The following IARS2 variants were observed in gnomAD, a reference collection of about 807,000 sequenced individuals.
The protein encoded by IARS2 is isoleucyl-tRNA synthetase 2, mitochondrial.
IARS2 carries 56 observed loss-of-function variants against 126.3 expected under a neutral mutation model. The observed-to-expected ratio is 0.44, with a 90% confidence interval of 0.36 to 0.55. The LOEUF is 0.55. IARS2 is among the 20% of genes least tolerant of loss of function. The pLI, the probability that IARS2 is intolerant of heterozygous loss-of-function variation, is 0.00. For synonymous variants in IARS2, 407 were observed against 441.1 expected (o/e 0.92, Z 0.97); for missense variants, 1,127 against 1,245.9 (o/e 0.90, Z 1.44).
intron 2 of IARS2, among the ~76,000 whole-genome samples, chr1:220,099,304 A>G (rs955101523): frequency 5.9e-5 from 9 of 152,168 alleles, no homozygotes; most frequent in African/African-American, 2.2e-4. Context: ...GCCCCAGAAA[A>G]TAATGAAAAG....
rs767935937 is a variant in IARS2 at position 220,094,258 on chromosome 1, C to G, written c.42C>G (p.Ala14=). The G allele has an allele frequency of 6.2e-7, 1 of 1,605,824 alleles. No individual in the cohort carries two copies. Among genetic ancestry groups the G allele is most frequent in the Non-Finnish European group, 8.5e-7 (1 of 1,176,366 alleles). Reference sequence around the variant, plus strand: ...GCCCTCGCGGGCCGGGCGCGGCCGCCCTGGCCACTGCCCGAAGTTTGTGGG... The same window carrying G: ...GCCCTCGCGGGCCGGGCGCGGCCGCGCTGGCCACTGCCCGAAGTTTGTGGG... ...GLRPRGPGAA[A]LATARSLWGT... is the part of the protein sequence containing the mutation. Residue 14 remains alanine, a synonymous_variant, in exon 1 of 23, where the codon GCC becomes GCG. Coordinates refer to ENST00000366922, the MANE Select transcript of IARS2 (RefSeq NM_018060.4).
At position 220,140,433 on chromosome 1, in the gene IARS2, G is replaced by C. The variant is rs952976119; in HGVS notation, c.2414+144G>C. 1.1e-4 allele frequency: 63 copies of C among 581,514 alleles called. 1 individual carries two copies. The highest frequency in any genetic ancestry group is 4.0e-5 in the Non-Finnish European group (13 of 328,576). 36.0% of individuals were successfully genotyped at this position (581,514 alleles called of 1,614,324 possible). A position where few individuals can be genotyped will look rare whatever the true frequency, so the allele number is the denominator to read the frequency against. On this transcript the variant is annotated intron_variant, in intron 19 of 22. Transcript: ENST00000366922. Reference sequence around the variant, plus strand: ...CCAGTATGGCAAAATACAAAAATTAGCCGGGCATGGTGGCACATGCCTGTA... The same window carrying C: ...CCAGTATGGCAAAATACAAAAATTACCCGGGCATGGTGGCACATGCCTGTA...
At chr1:220,119,700 C>G (rs1189962858) in intron 12 of IARS2, among the ~76,000 whole-genome samples, 3 of 151,870 alleles carry the variant, frequency 2.0e-5, no homozygotes, top group Non-Finnish European at 4.4e-5. Context: ...TATAAGATGT[C>G]CAATACAGTT....
At chr1:220,136,180 G>A (rs1657371451) in intron 15 of IARS2, among the ~76,000 whole-genome samples, 1 of 152,148 alleles carries the variant, frequency 6.6e-6, no homozygotes, top group Non-Finnish European at 1.5e-5. Flanking sequence ...CTCCCAGGCT[G>A]GAGTGCAGTG....
intron 19 of IARS2, 21 bp downstream of exon 19, chr1:220,140,310 A>C: frequency 7.1e-7 from 1 of 1,417,336 alleles, no homozygotes; most frequent in East Asian, 2.3e-5. Flanking sequence ...CTAAATATTA[A>C]AATGCTTAAC....
chr1:220,134,371 G>A, intron 14 of IARS2, 31 bp from the exon 15 acceptor site: 3 of 1,379,808 alleles, frequency 2.2e-6, no homozygotes, highest in Non-Finnish European at 3.0e-6. Flanking sequence ...AAATTTCTGG[G>A]TTTTTTTTTC....
chr1:220,102,919 A>G (rs1331326222), intron 7 of IARS2, 142 bp downstream of exon 7: 1 of 626,328 alleles, frequency 1.6e-6, no homozygotes, highest in Non-Finnish European at 2.8e-6. Flanking sequence ...TATAGATTTT[A>G]TTAACCTTTA....
chr1:220,146,968 G>A (rs1335294389), intron 22 of IARS2, among the ~76,000 whole-genome samples: 2 of 152,010 alleles, frequency 1.3e-5, no homozygotes, highest in East Asian at 1.9e-4. Flanking sequence ...CACCATGCCC[G>A]GCCATGTAAT....
intron 8 of IARS2, among the ~76,000 whole-genome samples, chr1:220,104,426 C>A (rs534535226): frequency 5.9e-5 from 9 of 152,300 alleles, no homozygotes; most frequent in African/African-American, 2.2e-4. Context: ...CTCTGTTGCC[C>A]AGGCTGGAGT....
rs562831869 is a variant in IARS2 at position 220,096,340 on chromosome 1, T to G, written c.390+114T>G. On this transcript the variant is annotated intron_variant, in intron 2 of 22. Coordinates refer to ENST00000366922, the MANE Select transcript of IARS2 (RefSeq NM_018060.4). ...GTAAATTTAGATTTGCACATAAAAC[T>G]AAAACATTTTCATAGAAAGCAATAT... 3 of 737,966 alleles carry G rather than the reference T, an allele frequency of 4.1e-6. No homozygotes were observed. In the Admixed American group the frequency reaches 1.0e-4, roughly 26 times the overall value. The allele number at this position is 737,966 out of a possible 1,614,324, so 45.7% of individuals were successfully genotyped here.
intron 11 of IARS2, among the ~76,000 whole-genome samples, chr1:220,113,024 G>A (rs1473967866): frequency 3.3e-5 from 5 of 152,002 alleles, no homozygotes; most frequent in Admixed American, 2.0e-4. Context: ...CACCATGCCC[G>A]GCTAATTTTT....
chr1:220,121,931 G>C (rs1033042726), intron 12 of IARS2, among the ~76,000 whole-genome samples: 5 of 151,956 alleles, frequency 3.3e-5, no homozygotes, highest in South Asian at 2.1e-4. Context: ...CATCTCTAGA[G>C]GGGGGGAAAG....
chr1:220,096,812 C>T (rs574965696), intron 2 of IARS2, among the ~76,000 whole-genome samples: 155 of 152,074 alleles, frequency 1.0e-3, no homozygotes, highest in African/African-American at 3.6e-3. Context: ...TTTGGGAGGC[C>T]GAGGCAAGCG....
intron 10 of IARS2, among the ~76,000 whole-genome samples, chr1:220,109,767 A>G (rs1308354860): frequency 6.6e-6 from 1 of 152,216 alleles, no homozygotes; most frequent in East Asian, 1.9e-4. Flanking sequence ...GTAAGGTCAC[A>G]TTCACTAGTG....
intron 10 of IARS2, among the ~76,000 whole-genome samples, chr1:220,108,238 T>C (rs905576046): frequency 1.3e-5 from 2 of 151,900 alleles, no homozygotes; most frequent in Non-Finnish European, 2.9e-5. Context: ...ATTTTTGTAT[T>C]TTTAGTAGAG....
At chr1:220,122,018 A>G (rs1458036295) in intron 12 of IARS2, among the ~76,000 whole-genome samples, 1 of 152,168 alleles carries the variant, frequency 6.6e-6, no homozygotes, top group Admixed American at 6.6e-5. Context: ...TTGACGCAGG[A>G]GTTCAAGGCT....
At chr1:220,123,880 A>G (rs1657101735) in intron 12 of IARS2, among the ~76,000 whole-genome samples, 1 of 152,240 alleles carries the variant, frequency 6.6e-6, no homozygotes, top group Admixed American at 6.5e-5. Flanking sequence ...CCTGACGTCA[A>G]ATAATCAGTT....
Position 220,096,129 on chromosome 1 carries a change from C to A in IARS2, c.293C>A (p.Ser98Ter). Residue 98 changes from serine to a stop codon, truncating the protein, a stop_gained, in exon 2 of 23, where the codon TCA (serine) becomes TAA (stop). Transcript: ENST00000366922. LOFTEE classifies it high-confidence loss of function. ...QQKCGFSELY[S>*]WQRERKVKTE... ...AAATGTGGATTTTCAGAACTTTATT[C>A]ATGGCAAAGAGAAAGAAAAGTAAAG... The A allele has an allele frequency of 6.7e-7, 1 of 1,489,662 alleles. No homozygotes were observed. The highest frequency in any genetic ancestry group is 9.3e-7 in the Non-Finnish European group (1 of 1,078,680). 92.3% of individuals were successfully genotyped at this position (1,489,662 alleles called of 1,614,324 possible). A position where few individuals can be genotyped will look rare whatever the true frequency, so the allele number is the denominator to read the frequency against.
At chr1:220,144,382 A>T in intron 21 of IARS2, 1 of 609,258 alleles carries the variant, frequency 1.6e-6, no homozygotes, top group South Asian at 2.0e-5. Flanking sequence ...TGGAAGAGCT[A>T]TTTTTTAAAA....
Sources: allele counts gnomAD v4.1 joint callset (sites outside exome capture counted in the v4.1 genomes callset), GRCh38; gene constraint gnomAD v4.1.1; transcripts MANE v1.5; gene names NCBI Gene and HGNC (gene_info 2026-07-23, HGNC 2026-07-21).